Variants in CSGALNACT1 observed in about 807,000 individuals in gnomAD.
CSGALNACT1 encodes chondroitin sulfate N-acetylgalactosaminyltransferase 1.
CSGALNACT1 carries 52 observed loss-of-function variants against 51.0 expected under a neutral mutation model. That is an observed-to-expected ratio of 1.02 (90% confidence interval 0.82 to 1.29). The LOEUF (loss-of-function observed/expected upper bound fraction) is 1.29, where lower values mean the gene tolerates loss of function less well. CSGALNACT1 is among the 50% of genes most tolerant of loss of function. The probability of loss-of-function intolerance (pLI) is 0.00; values close to 1 mark genes in which losing one functional copy is unlikely to be tolerated. For missense variants in CSGALNACT1, 935 were observed against 679.2 expected (o/e 1.38, Z -4.19); for synonymous variants, 341 against 254.4 (o/e 1.34, Z -3.24).
chr8:19,653,448 T>C (rs757320467), intron 1 of CSGALNACT1, among the ~76,000 whole-genome samples: 13 of 152,136 alleles, frequency 8.5e-5, no homozygotes, highest in Non-Finnish European at 1.6e-4. Flanking sequence ...TGCACCCTCA[T>C]CCAATCCCAT....
intron 1 of CSGALNACT1, among the ~76,000 whole-genome samples, chr8:19,750,216 G>A (rs912269083): frequency 6.6e-6 from 1 of 152,044 alleles, no homozygotes; most frequent in Non-Finnish European, 1.5e-5. Flanking sequence ...ACCTCTCTTG[G>A]GCTCCAAGCT....
chr8:19,443,780 G>A (rs965241986), intron 5 of CSGALNACT1, among the ~76,000 whole-genome samples: 7 of 152,220 alleles, frequency 4.6e-5, no homozygotes, highest in African/African-American at 1.4e-4. Context: ...GAAACCCCCT[G>A]GGGATACCAA....
chr8:19,524,660 G>C (rs766525786), intron 3 of CSGALNACT1, among the ~76,000 whole-genome samples: 3 of 152,020 alleles, frequency 2.0e-5, no homozygotes, highest in Non-Finnish European at 2.9e-5. Flanking sequence ...GTGAGTCTAA[G>C]GAGGCTTCAG....
intron 1 of CSGALNACT1, among the ~76,000 whole-genome samples, chr8:19,652,796 C>G (rs1221543236): frequency 1.3e-5 from 2 of 152,300 alleles, no homozygotes; most frequent in Non-Finnish European, 2.9e-5. Context: ...TATTTCTCTG[C>G]TATTAACATA....
chr8:19,502,640 G>A (rs745482095), intron 4 of CSGALNACT1, among the ~76,000 whole-genome samples: 7 of 152,114 alleles, frequency 4.6e-5, no homozygotes, highest in African/African-American at 1.4e-4. Flanking sequence ...CTCAACCATG[G>A]ATTACTGAAA....
At chr8:19,618,110 C>T (rs929334149) in intron 1 of CSGALNACT1, among the ~76,000 whole-genome samples, 3 of 151,942 alleles carry the variant, frequency 2.0e-5, no homozygotes, top group Admixed American at 1.3e-4. Flanking sequence ...AAGTCCTGGC[C>T]TCAAGTGGTC....
chr8:19,410,416 T>C (rs1265794069), intron 8 of CSGALNACT1, among the ~76,000 whole-genome samples: 5 of 152,230 alleles, frequency 3.3e-5, no homozygotes, highest in African/African-American at 4.8e-5. Context: ...TTGCAGCGAA[T>C]AGACTAATAT....
upstream of CSGALNACT1, among the ~76,000 whole-genome samples, chr8:19,602,968 C>T (rs555464493): frequency 8.7e-5 from 13 of 148,890 alleles, 1 homozygote; most frequent in South Asian, 2.8e-3. Flanking sequence ...TATGTATTTG[C>T]TATTTTTATA....
intron 1 of CSGALNACT1, among the ~76,000 whole-genome samples, chr8:19,649,818 G>GAAAAAAAAAAAAA (rs1564347327): frequency 0.017 from 27 of 1,556 alleles, 2 homozygotes; most frequent in African/African-American, 0.052. Context: ...ATTCCAAGTA[G>GAAAAAAAAAAAAA]CAAAAAAAAA....
chr8:19,632,437 T>A (rs2975419), intron 1 of CSGALNACT1, among the ~76,000 whole-genome samples: 1 of 152,082 alleles, frequency 6.6e-6, no homozygotes, highest in Non-Finnish European at 1.5e-5. Flanking sequence ...GCCTAGAAAG[T>A]CTTCCAAACC....
chr8:19,419,960 A>T (rs536415879), intron 7 of CSGALNACT1, among the ~76,000 whole-genome samples: 4 of 152,152 alleles, frequency 2.6e-5, no homozygotes, highest in African/African-American at 4.8e-5. Flanking sequence ...CCCATGCTGT[A>T]CTCATGATAG....
At chr8:19,714,230 T>C (rs1239749802) in intron 1 of CSGALNACT1, among the ~76,000 whole-genome samples, 1 of 152,226 alleles carries the variant, frequency 6.6e-6, no homozygotes, top group East Asian at 1.9e-4. Flanking sequence ...CTCTAATTTT[T>C]CTCCTTGAAA....
intron 1 of CSGALNACT1, among the ~76,000 whole-genome samples, chr8:19,674,702 T>A (rs1459970706): frequency 6.6e-6 from 1 of 151,858 alleles, no homozygotes; most frequent in East Asian, 1.9e-4. Flanking sequence ...TAACTTACCG[T>A]GAGGTGAAGA....
chr8:19,701,124 C>T (rs117459898), intron 1 of CSGALNACT1, among the ~76,000 whole-genome samples: 210 of 139,118 alleles, frequency 1.5e-3, no homozygotes, highest in Middle Eastern at 4.5e-3. Flanking sequence ...AGGAAGGAGA[C>T]CAAGAAAATT....
intron 4 of CSGALNACT1, among the ~76,000 whole-genome samples, chr8:19,480,102 ATTTTAT>A (rs763518437): frequency 9.9e-4 from 150 of 152,278 alleles, no homozygotes; most frequent in Middle Eastern, 6.8e-3. Context: ...CAAGTCATGT[ATTTTAT>A]TTTTATTTTT....
At chr8:19,470,767 C>G (rs2067952938) in intron 4 of CSGALNACT1, among the ~76,000 whole-genome samples, 1 of 152,096 alleles carries the variant, frequency 6.6e-6, no homozygotes, top group Non-Finnish European at 1.5e-5. Context: ...AACGCAGGCC[C>G]TAAGGAGAAG....
intron 8 of CSGALNACT1, among the ~76,000 whole-genome samples, chr8:19,414,178 G>A (rs1221192252): frequency 1.3e-5 from 2 of 152,190 alleles, no homozygotes; most frequent in African/African-American, 4.8e-5. Flanking sequence ...TCTTCAGAGA[G>A]CAGGTTGTTA....
At chr8:19,499,563 G>C (rs749392036) in intron 4 of CSGALNACT1, among the ~76,000 whole-genome samples, 1 of 152,200 alleles carries the variant, frequency 6.6e-6, no homozygotes, top group Non-Finnish European at 1.5e-5. Context: ...CACAAGGCCT[G>C]ATTTGCCAGC....
upstream of CSGALNACT1, among the ~76,000 whole-genome samples, chr8:19,603,487 AATCT>A (rs1255402260): frequency 1.3e-5 from 2 of 152,134 alleles, no homozygotes; most frequent in Non-Finnish European, 2.9e-5. Context: ...CTGGCCAATC[AATCT>A]ATGTCTACAC....
Sources: gnomAD v4.1 joint callset for allele counts (sites outside exome capture counted in the v4.1 genomes callset) on GRCh38, gnomAD v4.1.1 for gene constraint, MANE v1.5 for transcripts, NCBI Gene and HGNC (gene_info 2026-07-23, HGNC 2026-07-21) for gene names.